The following AGBL4 variants were observed in gnomAD, a reference collection of about 807,000 sequenced individuals.
AGBL4 encodes the protein cytosolic carboxypeptidase 6.
In AGBL4, 58 loss-of-function variants were observed where a neutral mutation model predicts 66.4. The observed-to-expected ratio is 0.87, with a 90% confidence interval of 0.71 to 1.09. The LOEUF (loss-of-function observed/expected upper bound fraction) is 1.09. Among genes scored for constraint, AGBL4 ranks in the 50% least tolerant of loss-of-function variants. The pLI is 0.00. For synonymous variants in AGBL4, 234 were observed against 222.9 expected (o/e 1.05, Z -0.44); for missense variants, 579 against 631.0 (o/e 0.92, Z 0.88).
At chr1:48,778,418 ATCTAG>A (rs938077935) in intron 6 of AGBL4, among the ~76,000 whole-genome samples, 6 of 152,156 alleles carry the variant, frequency 3.9e-5, no homozygotes, top group African/African-American at 7.2e-5. Flanking sequence ...AACCTTTACA[ATCTAG>A]TCTAGGAGTA....
intron 3 of AGBL4, among the ~76,000 whole-genome samples, chr1:49,541,857 T>TA (rs1471225851): frequency 2.0e-5 from 3 of 152,130 alleles, no homozygotes; most frequent in Non-Finnish European, 4.4e-5. Context: ...ACTCTGTGTC[T>TA]AGCTCAAGGT....
At chr1:49,479,427 G>T (rs1184703015) in intron 3 of AGBL4, among the ~76,000 whole-genome samples, 2 of 151,824 alleles carry the variant, frequency 1.3e-5, no homozygotes, top group African/African-American at 4.8e-5. Context: ...ATACTGATTA[G>T]TTATTTTTCC....
chr1:48,771,919 C>G (rs769129114), intron 6 of AGBL4, among the ~76,000 whole-genome samples: 5 of 152,216 alleles, frequency 3.3e-5, no homozygotes, highest in Non-Finnish European at 7.3e-5. Context: ...AGAATGTTGA[C>G]TTCTTCCAGA....
At chr1:48,910,695 C>T (rs1345652743) in intron 5 of AGBL4, among the ~76,000 whole-genome samples, 5 of 152,014 alleles carry the variant, frequency 3.3e-5, no homozygotes, top group African/African-American at 9.7e-5. Context: ...TGCCCCTGAC[C>T]ACTGGTTTCA....
chr1:49,094,673 G>C (rs1645061499), intron 4 of AGBL4, among the ~76,000 whole-genome samples: 3 of 152,068 alleles, frequency 2.0e-5, no homozygotes, highest in South Asian at 2.1e-4. Flanking sequence ...ATTAGGTATT[G>C]ATGGGCTGTA....
chr1:49,299,286 G>C (rs1194351647), intron 3 of AGBL4, among the ~76,000 whole-genome samples: 1 of 152,188 alleles, frequency 6.6e-6, no homozygotes, highest in East Asian at 1.9e-4. Context: ...GATGAGGAAA[G>C]ATGTCTATAG....
rs565205766 is a variant in AGBL4 at position 49,945,154 on chromosome 1, G to A, written c.34+78609C>T. ...GGAAAACATATTTGGGGGAATAATT[G>A]AGGAAAACTTCCCCCAGCCTTGCTA... On this transcript the variant is annotated intron_variant, in intron 1 of 13. Transcript: ENST00000371839. Among the ~76,000 whole-genome samples, 291 of 152,204 alleles carry A rather than the reference G, an allele frequency of 1.9e-3. 3 individuals carry two copies. Among genetic ancestry groups the A allele is most frequent in the African/African-American group, 6.7e-3 (279 of 41,554 alleles).
chr1:49,331,664 G>T (rs1022829020), intron 3 of AGBL4, among the ~76,000 whole-genome samples: 2 of 152,114 alleles, frequency 1.3e-5, no homozygotes, highest in African/African-American at 4.8e-5. Flanking sequence ...TCCCTGGGAC[G>T]GAGAGCCCGG....
At chr1:48,588,591 A>G (rs1476648916) in intron 10 of AGBL4, among the ~76,000 whole-genome samples, 1 of 152,138 alleles carries the variant, frequency 6.6e-6, no homozygotes, top group East Asian at 1.9e-4. Context: ...TAAAGGAAGA[A>G]GGAAAAGAGA....
chr1:48,759,736 C>A (rs1644154854), intron 6 of AGBL4, among the ~76,000 whole-genome samples: 2 of 152,188 alleles, frequency 1.3e-5, no homozygotes, highest in Admixed American at 6.5e-5. Flanking sequence ...TCTTCAACAA[C>A]AAAAACATAA....
intron 5 of AGBL4, among the ~76,000 whole-genome samples, chr1:48,874,385 C>G (rs1313591718): frequency 1.3e-5 from 2 of 152,192 alleles, no homozygotes; most frequent in Non-Finnish European, 2.9e-5. Flanking sequence ...TCTCCAAACT[C>G]ACTGCTTCTA....
intron 3 of AGBL4, among the ~76,000 whole-genome samples, chr1:49,288,629 G>T (rs1020022868): frequency 1.3e-5 from 2 of 152,140 alleles, no homozygotes; most frequent in Admixed American, 6.5e-5. Flanking sequence ...GTACCTATGA[G>T]GTTAAAATGC....
At chr1:49,492,602 A>C (rs932534334) in intron 3 of AGBL4, among the ~76,000 whole-genome samples, 2 of 151,852 alleles carry the variant, frequency 1.3e-5, no homozygotes, top group Non-Finnish European at 2.9e-5. Flanking sequence ...TATTAATAGG[A>C]CTATCAGATT....
chr1:49,323,771 A>G (rs1434413994), intron 3 of AGBL4, among the ~76,000 whole-genome samples: 2 of 133,618 alleles, frequency 1.5e-5, no homozygotes, highest in African/African-American at 6.4e-5. Flanking sequence ...CCCGTTTCAG[A>G]AAAAAAAAAA....
intron 3 of AGBL4, among the ~76,000 whole-genome samples, chr1:49,374,596 G>GT (rs1230196024): frequency 3.9e-5 from 6 of 152,112 alleles, no homozygotes; most frequent in African/African-American, 1.4e-4. Flanking sequence ...GTAAGACTGA[G>GT]TCAAATGTAG....
At chr1:48,588,274 T>G (rs757820408) in intron 10 of AGBL4, among the ~76,000 whole-genome samples, 79 of 152,216 alleles carry the variant, frequency 5.2e-4, no homozygotes, top group Non-Finnish European at 1.1e-3. Flanking sequence ...GCTGCTTCTT[T>G]ACTAAGATGT....
At chr1:49,518,339 T>A (rs1336606425) in intron 3 of AGBL4, among the ~76,000 whole-genome samples, 2 of 152,070 alleles carry the variant, frequency 1.3e-5, no homozygotes, top group African/African-American at 4.8e-5. Flanking sequence ...GACCTGTGAC[T>A]CTATGACACC....
Position 49,656,091 on chromosome 1 carries a change from G to C in AGBL4, c.282+41222C>G, listed in dbSNP as rs1257648911. The stretch of plus-strand genomic sequence containing the variant: ...GAACCTGGGAGGCGGAGGTTGCAGT[G>C]AGCCAAGATCGTGCCACTGCACTCC... On this transcript the variant is annotated intron_variant, in intron 3 of 13. Transcript: ENST00000371839. 2.0e-5 allele frequency among the ~76,000 whole-genome samples: 3 copies of C among 151,648 alleles called. No homozygotes were observed. The East Asian group carries it at 5.8e-4, about 29-fold the overall frequency.
At chr1:48,925,006 G>A (rs763877397) in intron 5 of AGBL4, among the ~76,000 whole-genome samples, 1 of 152,070 alleles carries the variant, frequency 6.6e-6, no homozygotes, top group African/African-American at 2.4e-5. Context: ...GGCTGACTTG[G>A]AGCTGTGCTA....
Sources: gnomAD v4.1 joint callset for allele counts (sites outside exome capture counted in the v4.1 genomes callset) on GRCh38, gnomAD v4.1.1 for gene constraint, MANE v1.5 for transcripts, NCBI Gene and HGNC (gene_info 2026-07-23, HGNC 2026-07-21) for gene names.